XYLT1: variants seen among roughly 807,000 people sequenced by gnomAD.
The protein encoded by XYLT1 is beta-D-xylosyltransferase 1.
Under a neutral mutation model 91.3 loss-of-function variants are expected in XYLT1, and 36 were observed. The observed-to-expected ratio is 0.39, with a 90% CI of 0.30 to 0.52. The LOEUF is 0.52. XYLT1 is among the 20% of genes least tolerant of loss of function. The pLI, the probability that XYLT1 is intolerant of heterozygous loss-of-function variation, is 0.68. For synonymous variants in XYLT1, 588 were observed against 532.0 expected, an observed-to-expected ratio of 1.11 and a Z score of -1.45; for missense variants, 1,242 against 1,284.5, an observed-to-expected ratio of 0.97 and a Z score of 0.51.
chr16:17,436,032 C>A (rs2036454949), intron 1 of XYLT1, among the ~76,000 whole-genome samples: 2 of 152,172 alleles, frequency 1.3e-5, no homozygotes, highest in South Asian at 4.1e-4. Flanking sequence ...CCGTTTCCCC[C>A]ATCCTGTTCT....
intron 2 of XYLT1, among the ~76,000 whole-genome samples, chr16:17,309,763 C>A (rs117028763): frequency 6.6e-6 from 1 of 152,160 alleles, no homozygotes; most frequent in Non-Finnish European, 1.5e-5. Context: ...CTTTATTTTG[C>A]GAATGAGCCA....
At chr16:17,346,961 T>A (rs4781997) in intron 2 of XYLT1, among the ~76,000 whole-genome samples, 20,467 of 152,084 alleles carry the variant, frequency 0.13, 1,720 homozygotes, top group African/African-American at 0.22. Flanking sequence ...TTATTATTAA[T>A]AAGATACTCT....
chr16:17,411,400 T>C (rs772806824), intron 1 of XYLT1, among the ~76,000 whole-genome samples: 1 of 152,176 alleles, frequency 6.6e-6, no homozygotes, highest in Non-Finnish European at 1.5e-5. Context: ...CTAAATTTCA[T>C]TGTATTGTGT....
chr16:17,409,332 T>C (rs1177734257), intron 1 of XYLT1, among the ~76,000 whole-genome samples: 1 of 152,178 alleles, frequency 6.6e-6, no homozygotes, highest in Non-Finnish European at 1.5e-5. Flanking sequence ...CCTAGCAGCT[T>C]GGACCTGCTA....
At chr16:17,123,137 A>G (rs2030133499) in intron 10 of XYLT1, among the ~76,000 whole-genome samples, 1 of 152,144 alleles carries the variant, frequency 6.6e-6, no homozygotes, top group African/African-American at 2.4e-5. Context: ...TCTGATGGGA[A>G]TTGCATTGAA....
intron 2 of XYLT1, among the ~76,000 whole-genome samples, chr16:17,279,500 A>C (rs1203659938): frequency 1.3e-5 from 2 of 152,166 alleles, no homozygotes; most frequent in African/African-American, 4.8e-5. Context: ...TTCCCTCTCC[A>C]ACACAGCCCC....
intron 9 of XYLT1, among the ~76,000 whole-genome samples, chr16:17,131,134 G>A (rs9939795): frequency 0.95 from 145,009 of 152,236 alleles, 69,118 homozygotes; most frequent in Middle Eastern, 0.98. Context: ...ACACACGATA[G>A]CTACTCAATC....
At chr16:17,433,471 A>G (rs746553697) in intron 1 of XYLT1, among the ~76,000 whole-genome samples, 18 of 152,244 alleles carry the variant, frequency 1.2e-4, no homozygotes, top group Non-Finnish European at 2.1e-4. Flanking sequence ...GTTGCCTAGA[A>G]TGATCCACAG....
intron 5 of XYLT1, among the ~76,000 whole-genome samples, chr16:17,177,152 G>A (rs771364609): frequency 1.5e-4 from 23 of 152,104 alleles, no homozygotes; most frequent in African/African-American, 4.6e-4. Flanking sequence ...AATGTTCACC[G>A]CCCCCTTTTT....
intron 2 of XYLT1, among the ~76,000 whole-genome samples, chr16:17,297,838 G>A (rs1481708676): frequency 6.6e-6 from 1 of 152,070 alleles, no homozygotes; most frequent in Non-Finnish European, 1.5e-5. Context: ...TGGCTAACAC[G>A]GTGAAACCCC....
intron 1 of XYLT1, among the ~76,000 whole-genome samples, chr16:17,405,018 C>T (rs1295663610): frequency 1.3e-5 from 2 of 152,140 alleles, no homozygotes; most frequent in Non-Finnish European, 2.9e-5. Flanking sequence ...AGGGATGACT[C>T]AGATTAGAAA....
chr16:17,211,270 G>C (rs1006368126), intron 3 of XYLT1, among the ~76,000 whole-genome samples: 2 of 152,098 alleles, frequency 1.3e-5, no homozygotes, highest in African/African-American at 4.8e-5. Context: ...AAACAAATGA[G>C]AGGAGGTAAA....
At chr16:17,209,750 G>T (rs1357742081) in intron 3 of XYLT1, among the ~76,000 whole-genome samples, 1 of 152,184 alleles carries the variant, frequency 6.6e-6, no homozygotes, top group East Asian at 1.9e-4. Flanking sequence ...GCAAAATAAA[G>T]CCATACAGCC....
chr16:17,231,534 G>A (rs1367368055), intron 3 of XYLT1, among the ~76,000 whole-genome samples: 2 of 152,150 alleles, frequency 1.3e-5, no homozygotes, highest in Non-Finnish European at 2.9e-5. Context: ...GCATCACAAC[G>A]ATGGGATACA....
chr16:17,413,497 G>A (rs1303102995), intron 1 of XYLT1, among the ~76,000 whole-genome samples: 1 of 149,364 alleles, frequency 6.7e-6, no homozygotes, highest in Non-Finnish European at 1.5e-5. Context: ...AGAATGCAGT[G>A]GTGCGTGGTG....
chr16:17,365,609 CTCTT>C (rs2035444935), intron 1 of XYLT1, among the ~76,000 whole-genome samples: 3 of 152,130 alleles, frequency 2.0e-5, no homozygotes, highest in African/African-American at 7.2e-5. Context: ...ATTGCGCGCT[CTCTT>C]TCTCTCTTTT....
Position 17,365,627 on chromosome 16 carries a change from T to C in XYLT1, c.364-7577A>G, listed in dbSNP as rs192910475. On this transcript the variant is annotated intron_variant, in intron 1 of 11. Transcript: ENST00000261381. ...GCGCGCTCTCTTTCTCTCTTTTGTA[T>C]TAAAAGCTTAAAAAGCTGGTCTTTC... Among the ~76,000 whole-genome samples the C allele has an allele frequency of 8.1e-4, 124 of 152,306 alleles. 1 individual carries two copies. The highest frequency in any genetic ancestry group is 2.9e-3 in the African/African-American group (119 of 41,548).
intron 5 of XYLT1, among the ~76,000 whole-genome samples, chr16:17,191,198 T>G (rs2032302512): frequency 6.6e-6 from 1 of 152,260 alleles, no homozygotes; most frequent in East Asian, 1.9e-4. Context: ...CAGACATCCC[T>G]GAATTGTAAA....
chr16:17,253,883 C>T (rs1184890911), intron 3 of XYLT1, among the ~76,000 whole-genome samples: 1 of 150,098 alleles, frequency 6.7e-6, no homozygotes, highest in Non-Finnish European at 1.5e-5. Flanking sequence ...GGTGGAAGAA[C>T]ACCTCTGGGG....
Sources: gnomAD v4.1 joint callset for allele counts (sites outside exome capture counted in the v4.1 genomes callset) on GRCh38, gnomAD v4.1.1 for gene constraint, MANE v1.5 for transcripts, NCBI Gene and HGNC (gene_info 2026-07-23, HGNC 2026-07-21) for gene names.